Variants in OTUD7A observed in about 807,000 individuals in gnomAD.
OTUD7A encodes the protein OTU deubiquitinase 7A.
A neutral mutation model predicts 65.7 loss-of-function variants in OTUD7A; 12 were observed. The observed-to-expected ratio is 0.18, with a 90% CI of 0.12 to 0.30. The LOEUF (loss-of-function observed/expected upper bound fraction) is 0.30, where lower values mean the gene tolerates loss of function less well. OTUD7A is among the 10% of genes least tolerant of loss of function. OTUD7A has a pLI of 1.00. For synonymous variants in OTUD7A, 641 were observed against 586.3 expected, an observed-to-expected ratio of 1.09 and a Z score of -1.35; for missense variants, 1,148 against 1,304.8, an observed-to-expected ratio of 0.88 and a Z score of 1.85.
At chr15:31,814,594 G>A (rs1349813437) in intron 1 of OTUD7A, among the ~76,000 whole-genome samples, 2 of 151,692 alleles carry the variant, frequency 1.3e-5, no homozygotes, top group Non-Finnish European at 2.9e-5. Flanking sequence ...TGCAATCTTG[G>A]CTCACTGCAA....
intron 1 of OTUD7A, among the ~76,000 whole-genome samples, chr15:31,772,749 A>G (rs1433864223): frequency 6.6e-6 from 1 of 152,264 alleles, no homozygotes; most frequent in Non-Finnish European, 1.5e-5. Flanking sequence ...CCTTTTATGT[A>G]TATTAAACAT....
Position 31,503,832 on chromosome 15 carries a change from CAG to C in OTUD7A, c.894-16_894-15del. ...GAGTTGTCCACACTGTGAAACAAAA[CAG>C]AGCCAGCTGGTCACTGACTAAAACA... On this transcript the variant is annotated splice_polypyrimidine_tract_variant and intron_variant, in intron 8 of 12. Transcript: ENST00000307050. 1.9e-6 allele frequency: 3 copies of C among 1,614,014 alleles called. No individual in the cohort carries two copies. Among genetic ancestry groups the C allele is most frequent in the Non-Finnish European group, 2.5e-6 (3 of 1,179,990 alleles).
chr15:31,504,372 GA>G (rs895756357), intron 8 of OTUD7A, among the ~76,000 whole-genome samples: 1 of 152,166 alleles, frequency 6.6e-6, no homozygotes, highest in Non-Finnish European at 1.5e-5. Context: ...GATGCGATGT[GA>G]ATGTGCAGCC....
intron 1 of OTUD7A, chr15:31,766,212 C>T (rs758108166): frequency 1.5e-5 from 23 of 1,527,930 alleles, no homozygotes; most frequent in Admixed American, 3.3e-5. Flanking sequence ...TTCTTCAGCA[C>T]AGCATAACAC....
chr15:31,619,953 T>C (rs150570439), intron 3 of OTUD7A, among the ~76,000 whole-genome samples: 16,556 of 152,180 alleles, frequency 0.11, 2,458 homozygotes, highest in African/African-American at 0.34. Flanking sequence ...CAATACCTAA[T>C]TTATTGAGAG....
intron 8 of OTUD7A, 87 bp downstream of exon 8, chr15:31,526,262 C>G: frequency 1.6e-6 from 2 of 1,282,210 alleles, no homozygotes; most frequent in Non-Finnish European, 2.1e-6. Context: ...CCCACATTCC[C>G]CCCCGTGCCA....
At position 31,483,578 on chromosome 15, in the gene OTUD7A, C is replaced by T. The variant is rs753289213; in HGVS notation, c.2518G>A (p.Ala840Thr). ...GCCGTCCCCGCCGCGCCCGGTAGGGCCCCGGGCACCGCGCGCGCCAGCGAC... is the reference window on the plus strand; with the variant it reads ...GCCGTCCCCGCCGCGCCCGGTAGGGTCCCGGGCACCGCGCGCGCCAGCGAC... ...VESLARAVPG[A>T]LPGAAGTAGA... is the part of the protein sequence containing the mutation. The change falls in exon 13 of 13, where the codon GCC (alanine) becomes ACC (threonine). Residue 840 changes from alanine to threonine, a missense_variant. This residue lies in a region of OTUD7A where 842 missense variants were observed against 769.5 expected (regional missense o/e 1.09). Coordinates refer to ENST00000307050, the MANE Select transcript of OTUD7A (RefSeq NM_001382637.1). 1.4e-5 allele frequency: 18 copies of T among 1,248,594 alleles called. No homozygotes were observed. The highest frequency in any genetic ancestry group is 7.1e-5 in the East Asian group (2 of 28,070). The allele number at this position is 1,248,594 out of a possible 1,614,324, so 77.3% of individuals were successfully genotyped here.
At chr15:31,773,380 G>A (rs1895290528) in intron 1 of OTUD7A, among the ~76,000 whole-genome samples, 1 of 152,222 alleles carries the variant, frequency 6.6e-6, no homozygotes, top group African/African-American at 2.4e-5. Flanking sequence ...GGCACCTGCA[G>A]ATTCCATGTC....
chr15:31,603,404 A>T (rs181654620), intron 3 of OTUD7A, among the ~76,000 whole-genome samples: 3 of 152,212 alleles, frequency 2.0e-5, no homozygotes, highest in African/African-American at 7.2e-5. Flanking sequence ...CAGAAAACTG[A>T]AACTGGACCC....
chr15:31,556,444 G>C (rs1470647482), intron 5 of OTUD7A: 1 of 152,156 alleles, frequency 6.6e-6, no homozygotes, highest in Non-Finnish European at 1.5e-5. Flanking sequence ...ACTAAGTTTG[G>C]GTTTTTAAAA....
chr15:31,493,519 C>CA (rs1455627839), intron 10 of OTUD7A, among the ~76,000 whole-genome samples: 5 of 152,206 alleles, frequency 3.3e-5, no homozygotes, highest in Non-Finnish European at 5.9e-5. Flanking sequence ...GCTGCACTCT[C>CA]AGAGAATTTG....
chr15:31,626,894 G>A (rs200412248), intron 3 of OTUD7A, among the ~76,000 whole-genome samples: 1 of 139,512 alleles, frequency 7.2e-6, no homozygotes, highest in Non-Finnish European at 1.5e-5. Flanking sequence ...TTTTTTTTTT[G>A]TTTTGTTTTT....
At chr15:31,647,752 T>C (rs970722962) in intron 3 of OTUD7A, among the ~76,000 whole-genome samples, 2 of 151,976 alleles carry the variant, frequency 1.3e-5, no homozygotes, top group Non-Finnish European at 1.5e-5. Flanking sequence ...AATAGATCAC[T>C]CTACTGAGGG....
intron 1 of OTUD7A, among the ~76,000 whole-genome samples, chr15:31,738,613 T>C (rs1195708777): frequency 6.6e-6 from 1 of 152,176 alleles, no homozygotes; most frequent in Non-Finnish European, 1.5e-5. Context: ...CCAGCACCTA[T>C]GCTGCCTCCG....
intron 1 of OTUD7A, among the ~76,000 whole-genome samples, chr15:31,674,125 G>A (rs1892544635): frequency 1.3e-5 from 2 of 152,202 alleles, no homozygotes; most frequent in Admixed American, 6.5e-5. Context: ...AGTTCTCTGT[G>A]CCTGGCAGAT....
chr15:31,730,242 A>G (rs1211182165), intron 1 of OTUD7A, among the ~76,000 whole-genome samples: 1 of 152,196 alleles, frequency 6.6e-6, no homozygotes, highest in Admixed American at 6.5e-5. Flanking sequence ...ACTGTGAGAA[A>G]TAAATGTCTG....
At chr15:31,746,235 A>G (rs1007800412) in intron 1 of OTUD7A, among the ~76,000 whole-genome samples, 2 of 152,228 alleles carry the variant, frequency 1.3e-5, no homozygotes, top group African/African-American at 4.8e-5. Flanking sequence ...AAAGACTTGT[A>G]CAAGAATGAT....
At chr15:31,627,540 G>A (rs75116987) in intron 3 of OTUD7A, among the ~76,000 whole-genome samples, 7,690 of 151,986 alleles carry the variant, frequency 0.051, 382 homozygotes, top group African/African-American at 0.14. Context: ...GAATAGTGCT[G>A]CAATAAACAT....
intron 1 of OTUD7A, among the ~76,000 whole-genome samples, chr15:31,711,614 T>C (rs1893449075): frequency 2.0e-5 from 3 of 148,542 alleles, no homozygotes; most frequent in Admixed American, 6.7e-5. Context: ...AAACCAGGAA[T>C]GACAAAGGCA....
Sources: gnomAD v4.1 joint callset for allele counts (sites outside exome capture counted in the v4.1 genomes callset) on GRCh38, gnomAD v4.1.1 for gene constraint, gnomAD v4.1.1 regional missense constraint, MANE v1.5 for transcripts, NCBI Gene and HGNC (gene_info 2026-07-23, HGNC 2026-07-21) for gene names.